PIK3CB: variants seen among roughly 807,000 people sequenced by gnomAD.
The protein encoded by PIK3CB is phosphatidylinositol-4,5-bisphosphate 3-kinase catalytic subunit beta.
PIK3CB carries 39 observed loss-of-function variants against 136.8 expected under a neutral mutation model. The observed-to-expected ratio is 0.29, with a 90% CI of 0.22 to 0.37. PIK3CB has a LOEUF of 0.37. Ranked by LOEUF, PIK3CB falls within the 10% of genes least tolerant of loss-of-function variation. The pLI is 1.00. For missense variants in PIK3CB, 868 were observed against 1,275.4 expected, an observed-to-expected ratio of 0.68 and a Z score of 4.87; for synonymous variants, 428 against 436.6, an observed-to-expected ratio of 0.98 and a Z score of 0.25.
intron 11 of PIK3CB, among the ~76,000 whole-genome samples, chr3:138,705,199 A>AAAAAAAAAC (rs1559828867): frequency 7.0e-6 from 1 of 143,260 alleles, no homozygotes; most frequent in Non-Finnish European, 1.5e-5. Context: ...ACAAAAAAAA[A>AAAAAAAAAC]AACTTATATT....
chr3:138,668,112 T>C (rs1357562265), intron 19 of PIK3CB, among the ~76,000 whole-genome samples: 6 of 151,870 alleles, frequency 4.0e-5, no homozygotes, highest in Admixed American at 2.6e-4. Flanking sequence ...TCTAGCAAAA[T>C]GAGGTTGGGG....
intron 1 of PIK3CB, among the ~76,000 whole-genome samples, chr3:138,819,669 T>A (rs1346614091): frequency 1.3e-5 from 2 of 152,110 alleles, no homozygotes; most frequent in African/African-American, 4.8e-5. Flanking sequence ...AGCCTCATCA[T>A]CTTTTAAAAA....
intron 13 of PIK3CB, among the ~76,000 whole-genome samples, chr3:138,696,112 C>T (rs2044132443): frequency 1.3e-5 from 2 of 151,714 alleles, no homozygotes; most frequent in African/African-American, 4.8e-5. Flanking sequence ...TTAGAATTCA[C>T]CTACGTGAAT....
At chr3:138,779,422 A>C (rs1576408946) in intron 2 of PIK3CB, among the ~76,000 whole-genome samples, 4 of 111,400 alleles carry the variant, frequency 3.6e-5, no homozygotes, top group African/African-American at 1.1e-4. Context: ...ACAGGCTGTC[A>C]CTCTGTCACC....
At chr3:138,745,634 A>G (rs148093276) in intron 4 of PIK3CB, among the ~76,000 whole-genome samples, 3,439 of 151,902 alleles carry the variant, frequency 0.023, 46 homozygotes, top group Non-Finnish European at 0.032. Flanking sequence ...CCCCATCTCA[A>G]AAAAAAAGGC....
At chr3:138,765,822 C>T (rs896199894) in intron 2 of PIK3CB, among the ~76,000 whole-genome samples, 1 of 152,116 alleles carries the variant, frequency 6.6e-6, no homozygotes, top group Non-Finnish European at 1.5e-5. Context: ...CCACTGCACT[C>T]CAGCCTGGGC....
At chr3:138,792,562 C>T (rs1409732760) in intron 2 of PIK3CB, among the ~76,000 whole-genome samples, 1 of 152,092 alleles carries the variant, frequency 6.6e-6, no homozygotes, top group East Asian at 1.9e-4. Context: ...GGCCACTGTA[C>T]TCAGCTTGCA....
intron 8 of PIK3CB, among the ~76,000 whole-genome samples, chr3:138,732,510 T>G (rs10513055): frequency 0.17 from 25,119 of 152,096 alleles, 2,468 homozygotes; most frequent in Middle Eastern, 0.23. Context: ...ATCACAAAAA[T>G]TATTCACTTA....
intron 18 of PIK3CB, 38 bp downstream of exon 18, chr3:138,683,640 A>C: frequency 9.2e-7 from 1 of 1,088,876 alleles, no homozygotes; most frequent in Non-Finnish European, 1.4e-6. Context: ...CAAATGAAAA[A>C]TTCTAAGAAA....
chr3:138,794,906 T>C (rs1193080557), intron 2 of PIK3CB, among the ~76,000 whole-genome samples: 1 of 152,168 alleles, frequency 6.6e-6, no homozygotes, highest in Non-Finnish European at 1.5e-5. Flanking sequence ...TGGGTGAGCC[T>C]GGTGGCTTAC....
At chr3:138,728,100 C>A (rs147153148) in intron 8 of PIK3CB, among the ~76,000 whole-genome samples, 1 of 152,142 alleles carries the variant, frequency 6.6e-6, no homozygotes, top group South Asian at 2.1e-4. Flanking sequence ...GCATGAGCCA[C>A]GACTCCTGGC....
chr3:138,731,049 C>G (rs539494251), intron 8 of PIK3CB, among the ~76,000 whole-genome samples: 2 of 152,278 alleles, frequency 1.3e-5, no homozygotes, highest in South Asian at 4.1e-4. Flanking sequence ...GAACAATGTA[C>G]ATAGTATCAT....
intron 6 of PIK3CB, among the ~76,000 whole-genome samples, chr3:138,735,005 G>A (rs1454108326): frequency 6.8e-6 from 1 of 147,700 alleles, no homozygotes; most frequent in Non-Finnish European, 1.5e-5. Flanking sequence ...CTGGAATGCA[G>A]TGACACGATC....
chr3:138,680,457 A>G (rs1223500608), intron 19 of PIK3CB, among the ~76,000 whole-genome samples: 1 of 152,172 alleles, frequency 6.6e-6, no homozygotes, highest in Non-Finnish European at 1.5e-5. Flanking sequence ...ATAAATTTGA[A>G]AACACTGATG....
chr3:138,713,738 CAT>C (rs1460004503), intron 9 of PIK3CB, among the ~76,000 whole-genome samples: 3 of 151,948 alleles, frequency 2.0e-5, no homozygotes, highest in African/African-American at 7.2e-5. Flanking sequence ...ATTTTAAAAA[CAT>C]ATAAAATTAA....
chr3:138,741,714 G>T (rs2045248983), intron 5 of PIK3CB, among the ~76,000 whole-genome samples: 1 of 152,090 alleles, frequency 6.6e-6, no homozygotes, highest in African/African-American at 2.4e-5. Context: ...TGTAATTCCA[G>T]CTACTCAGGA....
chr3:138,756,434 T>A (rs752912747), intron 3 of PIK3CB, among the ~76,000 whole-genome samples: 3 of 152,168 alleles, frequency 2.0e-5, no homozygotes, highest in East Asian at 1.9e-4. Context: ...CAAAAAAAAA[T>A]TTTAATTTAA....
chr3:138,680,189 C>T (rs952168952), intron 19 of PIK3CB, among the ~76,000 whole-genome samples: 6 of 151,930 alleles, frequency 3.9e-5, no homozygotes, highest in African/African-American at 9.7e-5. Flanking sequence ...GAAATCCCAT[C>T]TCTACTAAAA....
intron 5 of PIK3CB, among the ~76,000 whole-genome samples, chr3:138,738,235 G>A (rs923790039): frequency 2.0e-5 from 3 of 151,658 alleles, no homozygotes; most frequent in Non-Finnish European, 4.4e-5. Flanking sequence ...GCAATGGCTC[G>A]ATCTTGGCTC....
Sources: gnomAD v4.1 joint callset for allele counts (sites outside exome capture counted in the v4.1 genomes callset) on GRCh38, gnomAD v4.1.1 for gene constraint, MANE v1.5 for transcripts, NCBI Gene and HGNC (gene_info 2026-07-23, HGNC 2026-07-21) for gene names.